Variants in TBXAS1 observed in about 807,000 individuals in gnomAD.
TBXAS1 encodes thromboxane-A synthase.
A neutral mutation model predicts 60.7 loss-of-function variants in TBXAS1; 48 were observed. The observed-to-expected ratio is 0.79, with a 90% confidence interval of 0.63 to 1.01. TBXAS1 has a LOEUF of 1.01. Among genes scored for constraint, TBXAS1 ranks in the 50% least tolerant of loss-of-function variants. The pLI, the probability that TBXAS1 is intolerant of heterozygous loss-of-function variation, is 0.00. For missense variants in TBXAS1, 685 were observed against 686.3 expected, an observed-to-expected ratio of 1.00 and a Z score of 0.02; for synonymous variants, 287 against 269.7, an observed-to-expected ratio of 1.06 and a Z score of -0.63.
chr7:139,878,510 T>C (rs1340609928), intron 3 of TBXAS1, among the ~76,000 whole-genome samples: 1 of 151,970 alleles, frequency 6.6e-6, no homozygotes, highest in Non-Finnish European at 1.5e-5. Flanking sequence ...TTTTCTCCTT[T>C]GGAAAAAAAA....
Position 139,972,845 on chromosome 7 carries a change from C to T in TBXAS1, c.1134+10612C>T, listed in dbSNP as rs551831464. ...TGGGTACCTTGGTAGGTCCCAGGGC[C>T]GAGCACAGTGCCTGGCACGTGAGAA... is the stretch of plus-strand genomic sequence containing the variant. On this transcript the variant is annotated intron_variant, in intron 9 of 12. Coordinates refer to ENST00000448866, the MANE Select transcript of TBXAS1 (RefSeq NM_001061.7). Among the ~76,000 whole-genome samples the T allele has an allele frequency of 7.2e-5, 11 of 152,174 alleles. No homozygotes were observed. In the East Asian group the frequency reaches 1.5e-3, roughly 21 times the overall value.
intron 3 of TBXAS1, among the ~76,000 whole-genome samples, chr7:139,894,897 T>C (rs1019419494): frequency 6.6e-6 from 1 of 152,164 alleles, no homozygotes; most frequent in Non-Finnish European, 1.5e-5. Context: ...CCAGAAAATG[T>C]ATCATTCATG....
intron 4 of TBXAS1, among the ~76,000 whole-genome samples, chr7:139,814,286 A>G (rs917115949): frequency 2.0e-5 from 3 of 152,052 alleles, no homozygotes. Context: ...TCACCCTCTC[A>G]CTCAGTTTTT....
At chr7:139,883,674 C>T (rs183647729) in intron 3 of TBXAS1, among the ~76,000 whole-genome samples, 4 of 152,302 alleles carry the variant, frequency 2.6e-5, no homozygotes, top group Admixed American at 2.6e-4. Flanking sequence ...ATCACTTCCC[C>T]TCTCCAGCTT....
chr7:139,907,170 G>A (rs1427666305), intron 3 of TBXAS1, among the ~76,000 whole-genome samples: 2 of 152,122 alleles, frequency 1.3e-5, no homozygotes, highest in Non-Finnish European at 2.9e-5. Context: ...TAGCTGTAAG[G>A]TTTTTGTAGA....
intron 3 of TBXAS1, among the ~76,000 whole-genome samples, chr7:139,905,045 TTCTTTCTTTCTTTCTCTCTC>T (rs1804936271): frequency 1.1e-5 from 1 of 88,406 alleles, no homozygotes; most frequent in Non-Finnish European, 2.2e-5. Flanking sequence ...CTTTCTTTCT[TTCTTTCTTTCTTTCTCTCTC>T]TCTCTCTCTC....
intron 9 of TBXAS1, among the ~76,000 whole-genome samples, chr7:139,977,545 T>TCCA (rs1227277053): frequency 6.6e-6 from 1 of 152,170 alleles, no homozygotes; most frequent in Admixed American, 6.5e-5. Context: ...GGGCTATTTC[T>TCCA]CCATGTTACA....
intron 9 of TBXAS1, among the ~76,000 whole-genome samples, chr7:140,000,127 T>C (rs952130716): frequency 4.6e-5 from 7 of 152,206 alleles, no homozygotes; most frequent in Non-Finnish European, 8.8e-5. Flanking sequence ...TGTTATTTCC[T>C]ACATAAAAGG....
chr7:139,862,237 A>T (rs889761508), intron 1 of TBXAS1, among the ~76,000 whole-genome samples: 2 of 152,192 alleles, frequency 1.3e-5, no homozygotes, highest in African/African-American at 2.4e-5. Context: ...TGACTTTTAG[A>T]TGGTATTGAA....
chr7:139,780,519 TA>T (rs140017237), intron 1 of TBXAS1, among the ~76,000 whole-genome samples: 16,020 of 152,276 alleles, frequency 0.11, 1,066 homozygotes, highest in Non-Finnish European at 0.16. Context: ...GAATGGATGA[TA>T]GCTGCAATTT....
chr7:139,794,301 T>C (rs924688272), intron 4 of TBXAS1, among the ~76,000 whole-genome samples: 4 of 152,156 alleles, frequency 2.6e-5, no homozygotes, highest in Non-Finnish European at 1.5e-5. Flanking sequence ...GGTTTCACCA[T>C]GTTGGCCAGG....
chr7:139,887,111 G>A (rs1043241714), intron 3 of TBXAS1, among the ~76,000 whole-genome samples: 6 of 152,240 alleles, frequency 3.9e-5, no homozygotes, highest in African/African-American at 1.4e-4. Flanking sequence ...CATATGAGTA[G>A]GTGGGATGGG....
chr7:139,979,860 A>C (rs1334424235), intron 9 of TBXAS1, among the ~76,000 whole-genome samples: 1 of 151,616 alleles, frequency 6.6e-6, no homozygotes, highest in African/African-American at 2.4e-5. Flanking sequence ...ACAAGTTTAC[A>C]TTTTCCTTGT....
intron 1 of TBXAS1, among the ~76,000 whole-genome samples, chr7:139,858,919 AG>A (rs1300275732): frequency 2.0e-5 from 3 of 151,970 alleles, no homozygotes; most frequent in Non-Finnish European, 4.4e-5. Flanking sequence ...CCCAGGCTGG[AG>A]TGCAATGGCG....
chr7:139,976,693 G>A (rs1811586983), intron 9 of TBXAS1, among the ~76,000 whole-genome samples: 1 of 152,182 alleles, frequency 6.6e-6, no homozygotes, highest in African/African-American at 2.4e-5. Flanking sequence ...CGCCCCTGGA[G>A]ATTCGATTTA....
chr7:139,795,288 T>C (rs200539717), intron 4 of TBXAS1, among the ~76,000 whole-genome samples: 9,460 of 57,692 alleles, frequency 0.16, no homozygotes, highest in East Asian at 0.3. Context: ...TTTTTTCATG[T>C]GTTTTTTGGC....
rs1810416283 is a variant in TBXAS1, at chr7:139,962,136, TCAC to T, written c.1040_1042del (p.Thr347del). 1 of 1,614,052 alleles carries T rather than the reference TCAC, an allele frequency of 6.2e-7. No individual in the cohort carries two copies. The highest frequency in any genetic ancestry group is 8.5e-7 in the Non-Finnish European group (1 of 1,180,036). ...TTCCTCATCGCTGGCTATGAAATCA[TCAC>T]CAACACACTTTCTTTTGCCACCTAC... On this transcript the variant is annotated inframe_deletion, in exon 9 of 13. Coordinates refer to ENST00000448866, the MANE Select transcript of TBXAS1 (RefSeq NM_001061.7).
intron 9 of TBXAS1, among the ~76,000 whole-genome samples, chr7:140,006,543 T>A (rs1403578411): frequency 6.6e-6 from 1 of 152,250 alleles, no homozygotes; most frequent in Admixed American, 6.5e-5. Flanking sequence ...ACCATTTTTC[T>A]AGCTAGTTGT....
At chr7:139,797,257 G>A (rs1398277611) in intron 4 of TBXAS1, 1 of 152,134 alleles carries the variant, frequency 6.6e-6, no homozygotes, top group Non-Finnish European at 1.5e-5. Flanking sequence ...TGATTATTTG[G>A]AGCCACAGAA....
Sources: allele counts gnomAD v4.1 joint callset (sites outside exome capture counted in the v4.1 genomes callset), GRCh38; gene constraint gnomAD v4.1.1; transcripts MANE v1.5; gene names NCBI Gene and HGNC (gene_info 2026-07-23, HGNC 2026-07-21).